Variants in ADAMTS17 observed in about 807,000 individuals in gnomAD.
The protein encoded by ADAMTS17 is ADAM metallopeptidase with thrombospondin type 1 motif 17.
In ADAMTS17, 113 loss-of-function variants were observed where a neutral mutation model predicts 141.5. The observed-to-expected ratio is 0.80, with a 90% CI of 0.69 to 0.93. The LOEUF is 0.93. ADAMTS17 is among the 40% of genes least tolerant of loss of function. The pLI, the probability that ADAMTS17 is intolerant of heterozygous loss-of-function variation, is 0.00. For synonymous variants in ADAMTS17, 768 were observed against 630.6 expected (o/e 1.22, Z -3.27); for missense variants, 1,659 against 1,517.9 (o/e 1.09, Z -1.54).
intron 8 of ADAMTS17, among the ~76,000 whole-genome samples, chr15:100,192,856 T>TC (rs1477804709): frequency 1.3e-5 from 2 of 151,426 alleles, no homozygotes; most frequent in Non-Finnish European, 2.9e-5. Flanking sequence ...CACATGGCTC[T>TC]CCCCCAACCT....
chr15:100,295,664 C>T (rs2044783065), intron 3 of ADAMTS17, among the ~76,000 whole-genome samples: 2 of 152,166 alleles, frequency 1.3e-5, no homozygotes, highest in African/African-American at 4.8e-5. Flanking sequence ...AGGATGATAC[C>T]TATCTCCTGG....
At chr15:100,227,805 C>T (rs557459095) in intron 7 of ADAMTS17, among the ~76,000 whole-genome samples, 14 of 152,318 alleles carry the variant, frequency 9.2e-5, no homozygotes, top group South Asian at 4.1e-4. Context: ...AATGGACTGT[C>T]GTGACCGGCT....
intron 8 of ADAMTS17, among the ~76,000 whole-genome samples, chr15:100,188,930 T>C (rs2040820081): frequency 6.6e-6 from 1 of 152,238 alleles, no homozygotes; most frequent in African/African-American, 2.4e-5. Context: ...AAAAGTCTTT[T>C]GCTTTAACCC....
chr15:100,049,126 T>C, intron 17 of ADAMTS17, 134 bp from the exon 18 acceptor site: 1 of 1,350,546 alleles, frequency 7.4e-7, no homozygotes, highest in Non-Finnish European at 1.0e-6. Flanking sequence ...GCTGTAAATG[T>C]CATGTGGGTT....
chr15:100,045,125 T>A (rs1181041322), intron 18 of ADAMTS17, among the ~76,000 whole-genome samples: 1 of 150,188 alleles, frequency 6.7e-6, no homozygotes, highest in South Asian at 2.1e-4. Context: ...TGGATTTTTT[T>A]AGAAGCCACA....
intron 8 of ADAMTS17, among the ~76,000 whole-genome samples, chr15:100,164,934 C>T (rs944553157): frequency 6.6e-6 from 1 of 152,174 alleles, no homozygotes; most frequent in East Asian, 1.9e-4. Flanking sequence ...CTCATCTATA[C>T]CATGTGTTGC....
At chr15:100,304,915 C>T (rs1023606420) in intron 3 of ADAMTS17, among the ~76,000 whole-genome samples, 2 of 152,158 alleles carry the variant, frequency 1.3e-5, no homozygotes, top group Non-Finnish European at 2.9e-5. Context: ...GATCTACTTC[C>T]ACTTAATAAA....
intron 7 of ADAMTS17, among the ~76,000 whole-genome samples, chr15:100,241,134 T>G (rs1269308102): frequency 1.3e-5 from 2 of 152,134 alleles, no homozygotes; most frequent in African/African-American, 2.4e-5. Flanking sequence ...TATCTGGCTT[T>G]TTTTGGTGTT....
intron 8 of ADAMTS17, among the ~76,000 whole-genome samples, chr15:100,177,081 G>A (rs2040364999): frequency 6.6e-6 from 1 of 152,214 alleles, no homozygotes; most frequent in Admixed American, 6.5e-5. Flanking sequence ...GAATATTCAT[G>A]TGCAAGTTTT....
intron 15 of ADAMTS17, among the ~76,000 whole-genome samples, chr15:100,058,187 CCCCTATCCCAGCTCCAACA>C (rs2032769077): frequency 3.9e-4 from 4 of 10,276 alleles, no homozygotes; most frequent in Admixed American, 6.2e-4. Flanking sequence ...GGCTCTAACA[CCCCTATCCCAGCTCCAACA>C]CCCCTATTCC....
chr15:100,324,422 T>C (rs185441111), intron 3 of ADAMTS17, among the ~76,000 whole-genome samples: 3 of 152,324 alleles, frequency 2.0e-5, no homozygotes, highest in Admixed American at 2.0e-4. Context: ...CTGTTGTAAA[T>C]TATTTCATAA....
intron 4 of ADAMTS17, among the ~76,000 whole-genome samples, chr15:100,267,522 T>G (rs972603850): frequency 6.6e-6 from 1 of 152,162 alleles, no homozygotes; most frequent in Non-Finnish European, 1.5e-5. Flanking sequence ...TGAATATATA[T>G]TTATAATGTC....
intron 7 of ADAMTS17, among the ~76,000 whole-genome samples, chr15:100,201,641 T>G (rs1390900114): frequency 1.3e-5 from 2 of 152,218 alleles, no homozygotes; most frequent in Non-Finnish European, 2.9e-5. Flanking sequence ...GGTCTATTTT[T>G]ATTTGGAAAC....
At chr15:100,146,043 C>T (rs1213654751) in intron 10 of ADAMTS17, among the ~76,000 whole-genome samples, 6 of 152,174 alleles carry the variant, frequency 3.9e-5, no homozygotes, top group African/African-American at 1.4e-4. Flanking sequence ...TGTGGTGGCG[C>T]ATGCCTGTAA....
chr15:100,000,099 G>A (rs1051064729), intron 18 of ADAMTS17, among the ~76,000 whole-genome samples: 2 of 152,184 alleles, frequency 1.3e-5, no homozygotes, highest in Non-Finnish European at 2.9e-5. Flanking sequence ...CACACCTGAA[G>A]CCCGTGTAAA....
At chr15:100,340,933 TGGA>T in intron 2 of ADAMTS17, 103 bp downstream of exon 2, 1 of 1,470,684 alleles carries the variant, frequency 6.8e-7, no homozygotes, top group Admixed American at 2.0e-5. Context: ...CCGGTTCCCC[TGGA>T]GGCTGGACTT....
At chr15:100,076,404 C>G (rs1257116138) in intron 15 of ADAMTS17, among the ~76,000 whole-genome samples, 2 of 152,190 alleles carry the variant, frequency 1.3e-5, no homozygotes, top group African/African-American at 4.8e-5. Context: ...GGCAGTAACT[C>G]TGGGTCACAA....
At chr15:100,072,571 G>A (rs1242398892) in intron 15 of ADAMTS17, among the ~76,000 whole-genome samples, 1 of 152,042 alleles carries the variant, frequency 6.6e-6, no homozygotes, top group African/African-American at 2.4e-5. Flanking sequence ...ATAGACCAAT[G>A]GAATAGAACA....
At chr15:100,239,797 G>A (rs1249747104) in intron 7 of ADAMTS17, among the ~76,000 whole-genome samples, 3 of 152,254 alleles carry the variant, frequency 2.0e-5, no homozygotes, top group Admixed American at 6.5e-5. Flanking sequence ...TTGATTTGAC[G>A]AAGAAGTCAG....
Sources: gnomAD v4.1 joint callset for allele counts (sites outside exome capture counted in the v4.1 genomes callset) on GRCh38, gnomAD v4.1.1 for gene constraint, MANE v1.5 for transcripts, NCBI Gene and HGNC (gene_info 2026-07-23, HGNC 2026-07-21) for gene names.